Variants in STS observed in about 807,000 individuals in gnomAD.
STS encodes steroid sulfatase.
In STS, 7 loss-of-function variants were observed where a neutral mutation model predicts 26.8. The observed-to-expected ratio is 0.26, with a 90% CI of 0.15 to 0.49. The LOEUF is 0.49. STS is among the 20% of genes least tolerant of loss of function. STS has a pLI of 0.98. For synonymous variants in STS, 199 were observed against 189.4 expected, an observed-to-expected ratio of 1.05 and a Z score of -0.42; for missense variants, 434 against 465.6, an observed-to-expected ratio of 0.93 and a Z score of 0.63.
intron 1 of STS, among the ~76,000 whole-genome samples, chrX:7,160,208 A>G (rs1216030141): frequency 8.9e-6 from 1 of 112,596 alleles, no homozygotes; most frequent in Non-Finnish European, 1.9e-5. Context: ...CCTTCCTGGA[A>G]TAGCCCAAGA....
intron 2 of STS, among the ~76,000 whole-genome samples, chrX:7,214,658 T>G (rs1309497744): frequency 4.6e-5 from 5 of 109,846 alleles, no homozygotes; most frequent in African/African-American, 1.7e-4. Flanking sequence ...CCGAGCAGTA[T>G]ACACTGAACC....
chrX:7,269,743 A>G (rs1924178734), intron 6 of STS, among the ~76,000 whole-genome samples: 2 of 111,500 alleles, frequency 1.8e-5, no homozygotes, highest in East Asian at 2.8e-4. Context: ...AGGTGGTCAC[A>G]TGAACTTTGT....
chrX:7,171,522 G>A (rs1489306388), intron 1 of STS, among the ~76,000 whole-genome samples: 2 of 111,512 alleles, frequency 1.8e-5, no homozygotes, highest in Non-Finnish European at 3.8e-5. Context: ...GGGTTTACTG[G>A]ACTAACTTAT....
At chrX:7,244,553 G>A (rs753905801) in intron 2 of STS, among the ~76,000 whole-genome samples, 2 of 111,687 alleles carry the variant, frequency 1.8e-5, no homozygotes, top group Admixed American at 9.5e-5. Context: ...TGATAGGGCG[G>A]GTAACATGCT....
intron 1 of STS, among the ~76,000 whole-genome samples, chrX:7,172,215 C>A (rs1452103936): frequency 9.0e-6 from 1 of 111,584 alleles, no homozygotes; most frequent in Non-Finnish European, 1.9e-5. Context: ...CAGTATGACC[C>A]TATAATCAGT....
chrX:7,267,612 A>C (rs1262966053), intron 6 of STS, among the ~76,000 whole-genome samples: 1 of 111,787 alleles, frequency 8.9e-6, no homozygotes, highest in Non-Finnish European at 1.9e-5. Flanking sequence ...ATTTAAGTAA[A>C]TCACTTCGTG....
chrX:7,342,864 G>A (rs1928355762), intron 10 of STS, among the ~76,000 whole-genome samples: 2 of 111,736 alleles, frequency 1.8e-5, no homozygotes, highest in Non-Finnish European at 3.8e-5. Flanking sequence ...AAAGATTTGA[G>A]GCATTAGTGT....
intron 2 of STS, among the ~76,000 whole-genome samples, chrX:7,212,414 G>A (rs1921071119): frequency 9.0e-6 from 1 of 111,673 alleles, no homozygotes; most frequent in Non-Finnish European, 1.9e-5. Context: ...AGAGGTTGCA[G>A]TTAGCTGAGA....
chrX:7,178,783 T>C (rs1933622311), intron 1 of STS, among the ~76,000 whole-genome samples: 1 of 111,006 alleles, frequency 9.0e-6, no homozygotes, highest in African/African-American at 3.3e-5. Flanking sequence ...GGGCTCTCTC[T>C]GTCCTTCTCT....
At chrX:7,339,853 T>C (rs1928200644) in intron 10 of STS, among the ~76,000 whole-genome samples, 1 of 111,365 alleles carries the variant, frequency 9.0e-6, no homozygotes, top group South Asian at 3.7e-4. Context: ...TTATGGAACT[T>C]CATATTACCT....
At chrX:7,173,883 T>A (rs1220885505) in intron 1 of STS, among the ~76,000 whole-genome samples, 1 of 112,243 alleles carries the variant, frequency 8.9e-6, no homozygotes, top group African/African-American at 3.2e-5. Context: ...GTTGTTGAAG[T>A]GAGAGTGGTA....
intron 2 of STS, among the ~76,000 whole-genome samples, chrX:7,233,034 G>A (rs1318454302): frequency 9.1e-6 from 1 of 110,243 alleles, no homozygotes; most frequent in Non-Finnish European, 1.9e-5. Context: ...GTGGAACTGT[G>A]AGCCAGTTAA....
At chrX:7,315,938 C>G (rs1926693488) in intron 8 of STS, among the ~76,000 whole-genome samples, 1 of 111,265 alleles carries the variant, frequency 9.0e-6, no homozygotes, top group Non-Finnish European at 1.9e-5. Flanking sequence ...TTACATCCTT[C>G]AATCCAATCA....
intron 1 of STS, among the ~76,000 whole-genome samples, chrX:7,178,873 C>T (rs371031395): frequency 9.4e-6 from 1 of 106,323 alleles, no homozygotes; most frequent in Non-Finnish European, 1.9e-5. Context: ...CTCTAGTCCT[C>T]ATGAAAGTGG....
At chrX:7,197,242 C>G (rs780736230) in intron 2 of STS, among the ~76,000 whole-genome samples, 1 of 111,522 alleles carries the variant, frequency 9.0e-6, no homozygotes, top group South Asian at 3.8e-4. Context: ...GATTATTTGT[C>G]CAATATTGAT....
chrX:7,235,408 T>A lies in STS; in HGVS notation c.-4-17788T>A, dbSNP rs1461014885. On this transcript the variant is annotated intron_variant, in intron 2 of 10. Coordinates refer to ENST00000674429, the MANE Select transcript of STS (RefSeq NM_001320752.2). ...GAGCTTACACCAAGGTAACATTAAT[T>A]CCAGTTGCCTTGGTCTGTGGTATGC... Among the ~76,000 whole-genome samples the A allele has an allele frequency of 3.6e-5, 4 of 112,206 alleles. No individual in the cohort carries two copies. In the East Asian group the frequency reaches 1.1e-3, roughly 31 times the overall value.
chrX:7,250,307 A>T (rs1923077278), intron 2 of STS, among the ~76,000 whole-genome samples: 1 of 109,364 alleles, frequency 9.1e-6, no homozygotes. Context: ...TTGAACTGAA[A>T]TTATATTATC....
chrX:7,221,747 T>C (rs930517102), intron 2 of STS, among the ~76,000 whole-genome samples: 1 of 112,467 alleles, frequency 8.9e-6, no homozygotes, highest in Non-Finnish European at 1.9e-5. Flanking sequence ...AAAAATAACA[T>C]GGTTGTTTAT....
chrX:7,155,823 C>A (rs954732402), intron 1 of STS, among the ~76,000 whole-genome samples: 2 of 111,563 alleles, frequency 1.8e-5, no homozygotes, highest in Non-Finnish European at 3.8e-5. Context: ...AATGAAATAA[C>A]CTGCTATATA....
Sources: allele counts gnomAD v4.1 joint callset (sites outside exome capture counted in the v4.1 genomes callset), GRCh38; gene constraint gnomAD v4.1.1; transcripts MANE v1.5; gene names NCBI Gene and HGNC (gene_info 2026-07-23, HGNC 2026-07-21).